Variants in BCAS3 observed in about 807,000 individuals in gnomAD.
The protein encoded by BCAS3 is BCAS3 microtubule associated cell migration factor.
Under a neutral mutation model 116.1 loss-of-function variants are expected in BCAS3, and 53 were observed. The ratio of observed to expected loss-of-function variants is 0.46; its 90% confidence interval spans 0.37 to 0.57. BCAS3 has a LOEUF of 0.57. Ranked by LOEUF, BCAS3 falls within the 20% of genes least tolerant of loss-of-function variation. BCAS3 has a pLI of 0.00. For synonymous variants in BCAS3, 391 were observed against 408.2 expected (o/e 0.96, Z 0.51); for missense variants, 917 against 1,165.4 (o/e 0.79, Z 3.10).
intron 22 of BCAS3, among the ~76,000 whole-genome samples, chr17:61,299,011 T>A (rs1008065251): frequency 6.6e-6 from 1 of 151,732 alleles, no homozygotes; most frequent in Non-Finnish European, 1.5e-5. Context: ...TTAGTAGAGA[T>A]GAGATTTCGC....
rs1247220181 is a variant in BCAS3, at chr17:61,313,267, G to C, written c.2426-55060G>C. On this transcript the variant is annotated intron_variant, in intron 22 of 23. Coordinates refer to ENST00000407086, the MANE Select transcript of BCAS3 (RefSeq NM_017679.5). This position sits in a 1 kb window ranked among gnomAD's most constrained non-coding sequence, Gnocchi z 4.3. ...TTCTCAATGCCATATAACTGGTAAA[G>C]GGTGTGGCCACGATTACACCACCAT... 6.6e-6 allele frequency among the ~76,000 whole-genome samples: 1 copy of C among 152,214 alleles called. No individual in the cohort carries two copies. The highest frequency in any genetic ancestry group is 1.9e-4 in the East Asian group (1 of 5,196).
chr17:61,391,695 A>G lies in BCAS3; in HGVS notation c.2594-282A>G, dbSNP rs999083864. ...ATGAAGAGCTGTGTAGTCCACACAC[A>G]TCGTCAGGGTGGCCGTGCTTCGGGC... is the stretch of plus-strand genomic sequence containing the variant. On this transcript the variant is annotated intron_variant, in intron 23 of 23. Coordinates refer to ENST00000407086, the MANE Select transcript of BCAS3 (RefSeq NM_017679.5). This position sits in a 1 kb window ranked among gnomAD's most constrained non-coding sequence, Gnocchi z 7.7. 2 of 434,502 alleles carry G rather than the reference A, an allele frequency of 4.6e-6. No homozygotes were observed. The highest frequency in any genetic ancestry group is 8.4e-6 in the Non-Finnish European group (2 of 237,776). The allele number at this position is 434,502 out of a possible 1,614,324, so 26.9% of individuals were successfully genotyped here.
rs2075621066 is a variant in BCAS3, at chr17:61,118,699, G to A, written c.2425+34135G>A. Among the ~76,000 whole-genome samples, 1 of 151,858 alleles carries A rather than the reference G, an allele frequency of 6.6e-6. No homozygotes were observed. Among genetic ancestry groups the A allele is most frequent in the Non-Finnish European group, 1.5e-5 (1 of 67,946 alleles). The stretch of plus-strand genomic sequence containing the variant: ...ATTATTGTCTAAAAGTTTCTGTCTT[G>A]CTAGGCTACACATTCCTGTTTTTTT... On this transcript the variant is annotated intron_variant, in intron 22 of 23. Coordinates refer to ENST00000407086, the MANE Select transcript of BCAS3 (RefSeq NM_017679.5). The surrounding 1 kb of genome is among the most constrained non-coding windows in gnomAD (Gnocchi z 5.0).
At chr17:61,173,201 A>G (rs531575277) in intron 22 of BCAS3, among the ~76,000 whole-genome samples, 1 of 152,112 alleles carries the variant, frequency 6.6e-6, no homozygotes, top group South Asian at 2.1e-4. Context: ...TGTTATTCCT[A>G]GCACTTTGGG....
At position 61,370,469 on chromosome 17, in the gene BCAS3, A is replaced by G. The variant is rs541473364; in HGVS notation, c.2593+1975A>G. ...TATGGCACAATCTTGGCTCACTACA[A>G]CCTCCACCTCCCAGGTTCAAGCAAT... On this transcript the variant is annotated intron_variant, in intron 23 of 23. Coordinates refer to ENST00000407086, the MANE Select transcript of BCAS3 (RefSeq NM_017679.5). Among the ~76,000 whole-genome samples the G allele has an allele frequency of 8.6e-5, 13 of 151,940 alleles. 1 individual carries two copies. Among genetic ancestry groups the G allele is most frequent in the African/African-American group, 3.1e-4 (13 of 41,424 alleles).
chr17:60,825,555 ATAAT>A (rs1011030051), intron 7 of BCAS3, among the ~76,000 whole-genome samples: 15 of 142,330 alleles, frequency 1.1e-4, no homozygotes, highest in Non-Finnish European at 1.4e-4. Context: ...ATTATTTATA[ATAAT>A]TTATAAATAA....
chr17:61,165,423 C>T (rs538317255), intron 22 of BCAS3, among the ~76,000 whole-genome samples: 25 of 152,112 alleles, frequency 1.6e-4, no homozygotes, highest in Non-Finnish European at 2.5e-4. Flanking sequence ...TTAGGCTGGG[C>T]GCAGTGGCTC....
intron 7 of BCAS3, among the ~76,000 whole-genome samples, chr17:60,846,391 A>G (rs1006356611): frequency 6.6e-6 from 1 of 152,172 alleles, no homozygotes; most frequent in Non-Finnish European, 1.5e-5. Flanking sequence ...ATTGGCTCAA[A>G]ACCTCAATGT....
chr17:61,369,746 G>T (rs928111688), intron 23 of BCAS3, among the ~76,000 whole-genome samples: 8 of 152,224 alleles, frequency 5.3e-5, no homozygotes, highest in South Asian at 4.1e-4. Context: ...TTGGCTACAT[G>T]GGTAGCATGT....
At position 61,214,381 on chromosome 17, in the gene BCAS3, A is replaced by C. The variant is rs576940761; in HGVS notation, c.2425+129817A>C. Among the ~76,000 whole-genome samples the C allele has an allele frequency of 2.6e-4, 39 of 151,552 alleles. No individual in the cohort carries two copies. Among genetic ancestry groups the C allele is most frequent in the Non-Finnish European group, 4.6e-4 (31 of 67,926 alleles). ...GACCCTATCTCAAAAATAAATAAAT[A>C]AATAAATAAATAAATATTTTAGGCT... On this transcript the variant is annotated intron_variant, in intron 22 of 23. Transcript: ENST00000407086. This position sits in a 1 kb window ranked among gnomAD's most constrained non-coding sequence, Gnocchi z 4.4.
rs922983337 is a variant in BCAS3, at chr17:61,105,558, G to A, written c.2425+20994G>A. On this transcript the variant is annotated intron_variant, in intron 22 of 23. Transcript: ENST00000407086. This position sits in a 1 kb window ranked among gnomAD's most constrained non-coding sequence, Gnocchi z 4.3. ...TCCTGCCTCAGCCCCATGAGTAGCT[G>A]GGGTTACAGGCATGTGCCACCACGC... Among the ~76,000 whole-genome samples the A allele has an allele frequency of 6.6e-6, 1 of 152,184 alleles. No homozygotes were observed. The highest frequency in any genetic ancestry group is 1.5e-5 in the Non-Finnish European group (1 of 68,024).
chr17:60,734,610 G>A (rs997542201), intron 5 of BCAS3, among the ~76,000 whole-genome samples: 3 of 152,156 alleles, frequency 2.0e-5, no homozygotes, highest in African/African-American at 4.8e-5. Context: ...TGTATTATCT[G>A]TGCTATTATG....
rs199683646 is a variant in BCAS3 at position 60,683,830 on chromosome 17, T to TCAAAA, written c.84-132_84-128dup. 2.4e-4 allele frequency: 166 copies of TCAAAA among 700,982 alleles called. 1 individual carries two copies. The highest frequency in any genetic ancestry group is 1.8e-3 in the South Asian group (89 of 49,514). 43.4% of individuals were successfully genotyped at this position (700,982 alleles called of 1,614,324 possible). The stretch of plus-strand genomic sequence containing the variant: ...CTGGGTGACAGAGTGAAACCTTGTC[T>TCAAAA]CAAAACAAAACAAAACAAAACAAAC... On this transcript the variant is annotated intron_variant, in intron 2 of 23. Coordinates refer to ENST00000407086, the MANE Select transcript of BCAS3 (RefSeq NM_017679.5).
At chr17:61,221,645 T>C (rs1205974526) in intron 22 of BCAS3, among the ~76,000 whole-genome samples, 3 of 152,152 alleles carry the variant, frequency 2.0e-5, no homozygotes, top group Non-Finnish European at 2.9e-5. Flanking sequence ...AAGCTGCTGT[T>C]GCTGTGTGCT....
intron 4 of BCAS3, among the ~76,000 whole-genome samples, chr17:60,699,723 A>G (rs1051232087): frequency 2.0e-5 from 3 of 152,166 alleles, no homozygotes; most frequent in African/African-American, 4.8e-5. Context: ...ATAGGAAGTC[A>G]TTAATACGGG....
Position 61,106,635 on chromosome 17 carries a change from A to G in BCAS3, c.2425+22071A>G, listed in dbSNP as rs533955735. ...TTCAGGCATCCACTGGGGGTCTTGG[A>G]ACGTATCCCCATAGATAAGGAGCGG... On this transcript the variant is annotated intron_variant, in intron 22 of 23. Transcript: ENST00000407086. The surrounding 1 kb of genome is among the most constrained non-coding windows in gnomAD (Gnocchi z 4.2). Among the ~76,000 whole-genome samples, 1 of 152,332 alleles carries G rather than the reference A, an allele frequency of 6.6e-6. No homozygotes were observed. Among genetic ancestry groups the G allele is most frequent in the Admixed American group, 6.5e-5 (1 of 15,302 alleles).
chr17:61,167,005 C>T (rs2144094864), intron 22 of BCAS3, among the ~76,000 whole-genome samples: 1 of 152,266 alleles, frequency 6.6e-6, no homozygotes, highest in East Asian at 1.9e-4. Context: ...CCTTGGCCTT[C>T]CAAAGTGCTG....
At chr17:61,386,771 C>CT (rs2059872035) in intron 23 of BCAS3, among the ~76,000 whole-genome samples, 1 of 58,286 alleles carries the variant, frequency 1.7e-5, no homozygotes, top group African/African-American at 4.3e-5. Context: ...GATTTCCTTA[C>CT]TGTTTTTTTT....
At position 61,283,292 on chromosome 17, in the gene BCAS3, G is replaced by C. The variant is rs1002767528; in HGVS notation, c.2426-85035G>C. On this transcript the variant is annotated intron_variant, in intron 22 of 23. Transcript: ENST00000407086. ...TCAAACTAGTTAGCTTCATCCACCAGACATTAAGCACCCACTCTATGCTAA... is the reference window on the plus strand; with the variant it reads ...TCAAACTAGTTAGCTTCATCCACCACACATTAAGCACCCACTCTATGCTAA... Among the ~76,000 whole-genome samples the C allele has an allele frequency of 2.6e-5, 4 of 152,180 alleles. No homozygotes were observed. The East Asian group carries it at 5.8e-4, about 22-fold the overall frequency.
Sources: allele counts gnomAD v4.1 joint callset (sites outside exome capture counted in the v4.1 genomes callset), GRCh38; gene constraint gnomAD v4.1.1; non-coding constraint Gnocchi (gnomAD v3.1); transcripts MANE v1.5; gene names NCBI Gene and HGNC (gene_info 2026-07-23, HGNC 2026-07-21).